The following GABRB2 variants were observed in gnomAD, a reference collection of about 807,000 sequenced individuals.
GABRB2 encodes gamma-aminobutyric acid receptor subunit beta-2.
A neutral mutation model predicts 54.7 loss-of-function variants in GABRB2; 16 were observed. The ratio of observed to expected loss-of-function variants is 0.29; its 90% CI spans 0.20 to 0.44. The LOEUF is 0.44. Among genes scored for constraint, GABRB2 ranks in the 20% least tolerant of loss-of-function variants. GABRB2 has a pLI of 1.00. For synonymous variants in GABRB2, 244 were observed against 233.8 expected (o/e 1.04, Z -0.40); for missense variants, 355 against 644.0 (o/e 0.55, Z 4.86).
intron 4 of GABRB2, among the ~76,000 whole-genome samples, chr5:161,456,214 A>G (rs1757951486): frequency 6.6e-6 from 1 of 152,146 alleles, no homozygotes; most frequent in Non-Finnish European, 1.5e-5. Flanking sequence ...GTTGCCCTTC[A>G]ATATGTCTTA....
chr5:161,332,034 C>T (rs1208167460), intron 7 of GABRB2, among the ~76,000 whole-genome samples: 2 of 151,614 alleles, frequency 1.3e-5, no homozygotes, highest in Non-Finnish European at 2.9e-5. Context: ...GGCGTGATGG[C>T]GGGCGCCTGT....
intron 3 of GABRB2, among the ~76,000 whole-genome samples, chr5:161,529,198 A>G (rs1760376242): frequency 6.6e-6 from 1 of 152,022 alleles, no homozygotes; most frequent in East Asian, 1.9e-4. Context: ...ATGCTGCAAC[A>G]GTGATAATTA....
At chr5:161,362,853 G>T (rs914536522) in intron 5 of GABRB2, among the ~76,000 whole-genome samples, 1 of 152,126 alleles carries the variant, frequency 6.6e-6, no homozygotes, top group Non-Finnish European at 1.5e-5. Flanking sequence ...AACCAGAATG[G>T]CCATCATTAA....
At chr5:161,370,088 C>T (rs1755089354) in intron 5 of GABRB2, among the ~76,000 whole-genome samples, 1 of 151,964 alleles carries the variant, frequency 6.6e-6, no homozygotes, top group East Asian at 1.9e-4. Context: ...AATCTTAAGA[C>T]CAAATTATGA....
At chr5:161,436,530 C>CAA (rs1757313728) in intron 4 of GABRB2, among the ~76,000 whole-genome samples, 2 of 119,690 alleles carry the variant, frequency 1.7e-5, no homozygotes, top group Non-Finnish European at 3.5e-5. Flanking sequence ...AAGACGCTGT[C>CAA]GAAAAAAAAA....
Position 161,478,584 on chromosome 5 carries a change from T to C in GABRB2, c.238-18740A>G, listed in dbSNP as rs184347606. 2.6e-3 allele frequency among the ~76,000 whole-genome samples: 400 copies of C among 152,178 alleles called. 2 individuals carry two copies. The highest frequency in any genetic ancestry group is 9.2e-3 in the African/African-American group (384 of 41,558). Reference sequence around the variant, plus strand: ...TGGAGTTTTCTTCAAAGGTTGTTAGTTTGCTGGTTAGAAAAGAATAACCTT... The same window carrying C: ...TGGAGTTTTCTTCAAAGGTTGTTAGCTTGCTGGTTAGAAAAGAATAACCTT... On this transcript the variant is annotated intron_variant, in intron 3 of 9. Transcript: ENST00000393959.
At chr5:161,506,133 A>G (rs1759598277) in intron 3 of GABRB2, among the ~76,000 whole-genome samples, 1 of 152,116 alleles carries the variant, frequency 6.6e-6, no homozygotes, top group African/African-American at 2.4e-5. Context: ...TAAGGTCAGC[A>G]ATTATACATC....
intron 3 of GABRB2, among the ~76,000 whole-genome samples, chr5:161,506,272 C>T (rs1055481517): frequency 1.3e-5 from 2 of 152,008 alleles, no homozygotes; most frequent in African/African-American, 4.8e-5. Context: ...TCAGTGAAGA[C>T]ATATGAAAAA....
chr5:161,329,015 C>T (rs1211968203), intron 8 of GABRB2, among the ~76,000 whole-genome samples: 3 of 152,102 alleles, frequency 2.0e-5, no homozygotes, highest in African/African-American at 7.2e-5. Flanking sequence ...GGGTAACTGC[C>T]TAGTGAACTT....
At chr5:161,302,952 T>G (rs1170664359) in intron 9 of GABRB2, among the ~76,000 whole-genome samples, 1 of 152,198 alleles carries the variant, frequency 6.6e-6, no homozygotes, top group Non-Finnish European at 1.5e-5. Context: ...AACTGGAAAG[T>G]AAACAGGAAA....
chr5:161,542,463 C>T (rs1366588895), intron 3 of GABRB2, among the ~76,000 whole-genome samples: 1 of 152,106 alleles, frequency 6.6e-6, no homozygotes, highest in Non-Finnish European at 1.5e-5. Flanking sequence ...ACTATTACTC[C>T]CCTTTAATGA....
chr5:161,486,622 T>C (rs1217316929), intron 3 of GABRB2, among the ~76,000 whole-genome samples: 3 of 151,838 alleles, frequency 2.0e-5, no homozygotes, highest in Non-Finnish European at 2.9e-5. Flanking sequence ...GTGTGTGGCA[T>C]GTGAAGTGAG....
At chr5:161,477,501 T>C (rs1343609569) in intron 3 of GABRB2, among the ~76,000 whole-genome samples, 1 of 151,946 alleles carries the variant, frequency 6.6e-6, no homozygotes, top group East Asian at 1.9e-4. Context: ...AAGAGATAGT[T>C]GCATATCCAC....
At chr5:161,396,995 T>A (rs1299746207) in intron 5 of GABRB2, among the ~76,000 whole-genome samples, 1 of 152,208 alleles carries the variant, frequency 6.6e-6, no homozygotes, top group Admixed American at 6.5e-5. Context: ...TTACCTAGAA[T>A]GTGTAGCACA....
chr5:161,483,458 G>A (rs889100695), intron 3 of GABRB2, among the ~76,000 whole-genome samples: 2 of 151,874 alleles, frequency 1.3e-5, no homozygotes, highest in African/African-American at 4.8e-5. Flanking sequence ...GGGTGGTAGG[G>A]GAGGATAAAA....
rs542851089 is a variant in GABRB2, at chr5:161,524,966, G to T, written c.237+20261C>A. On this transcript the variant is annotated intron_variant, in intron 3 of 9. Coordinates refer to ENST00000393959, the MANE Select transcript of GABRB2 (RefSeq NM_001371727.1). ...TAAGTAATAATATACAATTAAATAG[G>T]CTATGGCTTTCATTTCTTGTTTATA... is the stretch of plus-strand genomic sequence containing the variant. Among the ~76,000 whole-genome samples the T allele has an allele frequency of 7.7e-4, 116 of 151,280 alleles. 1 individual carries two copies. Among genetic ancestry groups the T allele is most frequent in the African/African-American group, 2.6e-3 (107 of 41,404 alleles).
chr5:161,512,770 C>T (rs1759816791), intron 3 of GABRB2, among the ~76,000 whole-genome samples: 1 of 151,874 alleles, frequency 6.6e-6, no homozygotes, highest in Non-Finnish European at 1.5e-5. Context: ...ACAGAGTAAA[C>T]ACATGACCTA....
At chr5:161,383,032 C>A (rs576585835) in intron 5 of GABRB2, among the ~76,000 whole-genome samples, 2 of 152,138 alleles carry the variant, frequency 1.3e-5, no homozygotes, top group Admixed American at 1.3e-4. Context: ...TTTGTCTACT[C>A]AATGTTTTGT....
chr5:161,371,631 T>C (rs976815102), intron 5 of GABRB2, among the ~76,000 whole-genome samples: 5 of 152,184 alleles, frequency 3.3e-5, no homozygotes, highest in Non-Finnish European at 5.9e-5. Flanking sequence ...ATTTTAAATT[T>C]AATGCTAAAA....
Sources: gnomAD v4.1 joint callset for allele counts (sites outside exome capture counted in the v4.1 genomes callset) on GRCh38, gnomAD v4.1.1 for gene constraint, MANE v1.5 for transcripts, NCBI Gene and HGNC (gene_info 2026-07-23, HGNC 2026-07-21) for gene names.